The following ANKRD36B variants were observed in gnomAD, a reference collection of about 807,000 sequenced individuals.
ANKRD36B encodes ankyrin repeat domain 36B.
Under a neutral mutation model 135.7 loss-of-function variants are expected in ANKRD36B, and 37 were observed. The observed-to-expected ratio is 0.27, with a 90% CI of 0.21 to 0.36. The LOEUF (loss-of-function observed/expected upper bound fraction) is 0.36, where lower values mean the gene tolerates loss of function less well. ANKRD36B is among the 10% of genes least tolerant of loss of function. The pLI is 1.00. For synonymous variants in ANKRD36B, 179 were observed against 348.1 expected (o/e 0.51, Z 5.41); for missense variants, 549 against 1,037.1 (o/e 0.53, Z 6.46).
rs2078282810 is a variant in ANKRD36B at position 97,527,513 on chromosome 2, T to C, written c.2266-4046A>G. Among the ~76,000 whole-genome samples, 4 of 91,428 alleles carry C rather than the reference T, an allele frequency of 4.4e-5. 1 individual carries two copies. Among genetic ancestry groups the C allele is most frequent in the South Asian group, 5.0e-4 (2 of 3,998 alleles). The allele number at this position is 91,428 out of a possible 152,430, so 60.0% of individuals were successfully genotyped here. A position where few individuals can be genotyped will look rare whatever the true frequency, so the allele number is the denominator to read the frequency against. On this transcript the variant is annotated intron_variant, in intron 35 of 43. Transcript: ENST00000359901. ...TGCATTAACTAACGAGCAAAATAAC[T>C]AGCTAACATCATAATGCCAGGATGA...
At chr2:97,526,011 C>T (rs2078187003) in intron 35 of ANKRD36B, among the ~76,000 whole-genome samples, 1 of 98,158 alleles carries the variant, frequency 1.0e-5, no homozygotes, top group South Asian at 2.3e-4. Context: ...GTAACCTCTG[C>T]AGACTTAAAT....
intron 4 of ANKRD36B, among the ~76,000 whole-genome samples, chr2:97,579,900 C>G (rs1489482094): frequency 2.6e-5 from 4 of 152,102 alleles, no homozygotes; most frequent in African/African-American, 9.7e-5. Flanking sequence ...CAGAAGAAAA[C>G]ATACTTGGTA....
chr2:97,527,443 C>A lies in ANKRD36B; in HGVS notation c.2266-3976G>T, dbSNP rs573399007. Reference sequence around the variant, plus strand: ...AAGGAACAACCGGTACCAGCCACTGCAAAATCATGACAAAATATAAAGACC... The same window carrying A: ...AAGGAACAACCGGTACCAGCCACTGAAAAATCATGACAAAATATAAAGACC... On this transcript the variant is annotated intron_variant, in intron 35 of 43. Coordinates refer to ENST00000359901, the MANE Select transcript of ANKRD36B (RefSeq NM_001393939.1). 4.2e-5 allele frequency among the ~76,000 whole-genome samples: 4 copies of A among 94,634 alleles called. 1 individual carries two copies. The highest frequency in any genetic ancestry group is 1.3e-4 in the African/African-American group (4 of 31,460). 62.1% of individuals were successfully genotyped at this position (94,634 alleles called of 152,430 possible).
intron 12 of ANKRD36B, among the ~76,000 whole-genome samples, chr2:97,556,470 C>T (rs924974085): frequency 2.8e-4 from 43 of 151,884 alleles, no homozygotes; most frequent in African/African-American, 1.0e-3. Context: ...TCTTGCCTTG[C>T]AATCCCTCTT....
rs1223664787 is a variant in ANKRD36B at position 97,532,050 on chromosome 2, T to C, written c.2265+261A>G. 2.1e-5 allele frequency among the ~76,000 whole-genome samples: 2 copies of C among 96,086 alleles called. 1 individual carries two copies. The highest frequency in any genetic ancestry group is 5.5e-5 in the Non-Finnish European group (2 of 36,232). The allele number at this position is 96,086 out of a possible 152,430, so 63.0% of individuals were successfully genotyped here. ...TTTGATGTTACCTTCTTTATTATAA[T>C]AGGAAGTTATAAAAATAGAAGTGCA... is the stretch of plus-strand genomic sequence containing the variant. On this transcript the variant is annotated intron_variant, in intron 35 of 43. Coordinates refer to ENST00000359901, the MANE Select transcript of ANKRD36B (RefSeq NM_001393939.1).
In ANKRD36B at chr2:97,589,786, C is replaced by G. The variant is rs1185905014; in HGVS notation, c.-101G>C. The G allele has an allele frequency of 2.0e-5, 32 of 1,571,896 alleles. No homozygotes were observed. The highest frequency in any genetic ancestry group is 2.7e-5 in the Non-Finnish European group (31 of 1,150,046). ...GCTCGCCTTCGGGGATCGCCGCCTC[C>G]GAAGAGCAACAACAGGCAAAGCAGT... On this transcript the variant is annotated 5_prime_UTR_variant, in exon 1 of 44. Coordinates refer to ENST00000359901, the MANE Select transcript of ANKRD36B (RefSeq NM_001393939.1).
chr2:97,552,750 T>C (rs919265460), intron 16 of ANKRD36B, among the ~76,000 whole-genome samples: 34 of 151,976 alleles, frequency 2.2e-4, no homozygotes, highest in African/African-American at 7.5e-4. Context: ...GTTCTCATTC[T>C]ACAGTGTTTA....
In ANKRD36B at chr2:97,585,063, C is replaced by A. The variant is rs765994654; in HGVS notation, c.331G>T (p.Asp111Tyr). 2.5e-6 allele frequency: 4 copies of A among 1,612,656 alleles called. No individual in the cohort carries two copies. The South Asian group carries it at 3.3e-5, about 13-fold the overall frequency. The change falls in exon 3 of 44, where the codon GAT becomes TAT. Residue 111 changes from aspartate to tyrosine, a missense_variant. Physicochemically the swap from Asp to Tyr is radical, Grantham distance 160. Coordinates refer to ENST00000359901, the MANE Select transcript of ANKRD36B (RefSeq NM_001393939.1). ...CCAAAGACATCCGTAATATTTGGATCGGCGCCATTTTGCAGCAGAAGAGTT... is the reference window on the plus strand; with the variant it reads ...CCAAAGACATCCGTAATATTTGGATAGGCGCCATTTTGCAGCAGAAGAGTT... ...CATLLLQNGA[D>Y]PNITDVFGRT...
chr2:97,544,184 T>TA (rs1453360970), intron 24 of ANKRD36B, among the ~76,000 whole-genome samples, 199 bp from the exon 25 acceptor site: 4 of 41,552 alleles, frequency 9.6e-5, no homozygotes, highest in Non-Finnish European at 2.8e-4. Context: ...AAAATATACT[T>TA]ACAATTTCAA....
intron 6 of ANKRD36B, among the ~76,000 whole-genome samples, chr2:97,571,921 C>CA (rs1244933744): frequency 6.6e-6 from 1 of 152,026 alleles, no homozygotes; most frequent in Non-Finnish European, 1.5e-5. Context: ...CTTCTCCTCC[C>CA]AAACAGTGGG....
At position 97,538,104 on chromosome 2, in the gene ANKRD36B, C is replaced by T; in HGVS notation, c.2089+64G>A. 3 of 911,406 alleles carry T rather than the reference C, an allele frequency of 3.3e-6. 1 individual carries two copies. In the African/African-American group the frequency reaches 5.2e-5, roughly 16 times the overall value. The allele number at this position is 911,406 out of a possible 1,614,324, so 56.5% of individuals were successfully genotyped here. On this transcript the variant is annotated intron_variant, in intron 32 of 43. Transcript: ENST00000359901. ...TCAATGAGCCCCCTGCTGATCTATT[C>T]AGGGGTGGGACGTTGTCTTCTATCT...
intron 34 of ANKRD36B, among the ~76,000 whole-genome samples, chr2:97,534,872 T>C (rs2078780411): frequency 1.0e-5 from 1 of 97,258 alleles, no homozygotes; most frequent in South Asian, 2.3e-4. Context: ...AAGAGAAATC[T>C]GTCCTGACAT....
chr2:97,546,630 T>G (rs1329412980), intron 22 of ANKRD36B, among the ~76,000 whole-genome samples: 1 of 151,776 alleles, frequency 6.6e-6, no homozygotes, highest in Non-Finnish European at 1.5e-5. Flanking sequence ...CAGTTTTTCA[T>G]TCAGAAATCA....
chr2:97,588,384 C>T (rs2083175897), intron 1 of ANKRD36B, among the ~76,000 whole-genome samples: 1 of 151,876 alleles, frequency 6.6e-6, no homozygotes, highest in African/African-American at 2.4e-5. Flanking sequence ...ATTGCTTTTG[C>T]ACCAACCTAA....
chr2:97,578,027 A>G (rs1442292502), intron 5 of ANKRD36B, among the ~76,000 whole-genome samples: 1 of 152,058 alleles, frequency 6.6e-6, no homozygotes, highest in Non-Finnish European at 1.5e-5. Context: ...TATTTGCTTT[A>G]AAGAGAAAAA....
At chr2:97,548,587 G>C (rs1018245872) in intron 20 of ANKRD36B, among the ~76,000 whole-genome samples, 8 of 151,870 alleles carry the variant, frequency 5.3e-5, no homozygotes, top group Non-Finnish European at 7.4e-5. Flanking sequence ...AAATAGCTTT[G>C]TTGGGAGTAT....
intron 35 of ANKRD36B, among the ~76,000 whole-genome samples, chr2:97,526,872 T>G (rs2078243508): frequency 1.0e-5 from 1 of 95,404 alleles, no homozygotes; most frequent in African/African-American, 3.2e-5. Context: ...TAAAAAGAAA[T>G]GAACAAAGTC....
intron 22 of ANKRD36B, among the ~76,000 whole-genome samples, chr2:97,546,953 C>T (rs1259841195): frequency 2.6e-5 from 4 of 151,526 alleles, no homozygotes; most frequent in East Asian, 2.0e-4. Context: ...CCTGGAGCAG[C>T]CAAAATCAAA....
rs1230809029 is a variant in ANKRD36B, at chr2:97,526,921, C to T, written c.2266-3454G>A. 2.1e-5 allele frequency among the ~76,000 whole-genome samples: 2 copies of T among 96,516 alleles called. 1 individual carries two copies. The highest frequency in any genetic ancestry group is 5.5e-5 in the Non-Finnish European group (2 of 36,264). 63.3% of individuals were successfully genotyped at this position (96,516 alleles called of 152,430 possible). The stretch of plus-strand genomic sequence containing the variant: ...GGACTATGTGAAAAGACCAAATCTA[C>T]ATCTGATTGGTGTACCTGAAAGTCA... On this transcript the variant is annotated intron_variant, in intron 35 of 43. Coordinates refer to ENST00000359901, the MANE Select transcript of ANKRD36B (RefSeq NM_001393939.1).
Sources: gnomAD v4.1 joint callset for allele counts (sites outside exome capture counted in the v4.1 genomes callset) on GRCh38, gnomAD v4.1.1 for gene constraint, MANE v1.5 for transcripts, NCBI Gene and HGNC (gene_info 2026-07-23, HGNC 2026-07-21) for gene names.